The following AIMP1 variants were observed in gnomAD, a reference collection of about 807,000 sequenced individuals.
AIMP1 encodes the protein aminoacyl tRNA synthase complex-interacting multifunctional protein 1.
A neutral mutation model predicts 33.1 loss-of-function variants in AIMP1; 24 were observed. The observed-to-expected ratio is 0.73, with a 90% CI of 0.53 to 1.02. The LOEUF (loss-of-function observed/expected upper bound fraction) is 1.02. AIMP1 is among the 50% of genes least tolerant of loss of function. The pLI is 0.00. For synonymous variants in AIMP1, 120 were observed against 121.5 expected, an observed-to-expected ratio of 0.99 and a Z score of 0.08; for missense variants, 367 against 364.8, an observed-to-expected ratio of 1.01 and a Z score of -0.05.
chr4:106,330,275 T>C (rs1015196178), intron 4 of AIMP1, among the ~76,000 whole-genome samples: 3 of 152,196 alleles, frequency 2.0e-5, no homozygotes, highest in African/African-American at 7.2e-5. Context: ...CAAATGTAGA[T>C]ATATTGTTAT....
intron 2 of AIMP1, among the ~76,000 whole-genome samples, chr4:106,327,004 T>C (rs1050355256): frequency 1.3e-5 from 2 of 152,180 alleles, no homozygotes; most frequent in African/African-American, 4.8e-5. Flanking sequence ...CTCAAACTCC[T>C]GGGCTCAAGT....
At chr4:106,318,534 T>C (rs965296389) in intron 1 of AIMP1, among the ~76,000 whole-genome samples, 2 of 152,296 alleles carry the variant, frequency 1.3e-5, no homozygotes, top group African/African-American at 4.8e-5. Context: ...TGATTAAAAT[T>C]ACTATATTCC....
In AIMP1 at chr4:106,349,092, T is replaced by G. The variant is rs754160092; in HGVS notation, c.*1400T>G. On this transcript the variant is annotated 3_prime_UTR_variant, in exon 7 of 7. Coordinates refer to ENST00000672341, the MANE Select transcript of AIMP1 (RefSeq NM_001142416.2). ...GCCAGGATATATTATAGTACCATTA[T>G]CAATGTGATATTCTGAAAATATGAA... The G allele has an allele frequency of 6.6e-6, 1 of 152,096 alleles. No individual in the cohort carries two copies. The highest frequency in any genetic ancestry group is 2.4e-5 in the African/African-American group (1 of 41,436). 9.4% of individuals were successfully genotyped at this position (152,096 alleles called of 1,614,324 possible).
At chr4:106,317,894 A>G (rs1769030885) in intron 1 of AIMP1, among the ~76,000 whole-genome samples, 1 of 152,202 alleles carries the variant, frequency 6.6e-6, no homozygotes, top group Non-Finnish European at 1.5e-5. Context: ...AATCTTAACC[A>G]GGTAAAAGAT....
At chr4:106,346,383 G>C (rs1770303234) in intron 6 of AIMP1, among the ~76,000 whole-genome samples, 1 of 152,166 alleles carries the variant, frequency 6.6e-6, no homozygotes, top group Non-Finnish European at 1.5e-5. Flanking sequence ...TCAGGGGGCA[G>C]AGTGCTGTAC....
At chr4:106,322,482 A>G (rs986695734) in intron 1 of AIMP1, among the ~76,000 whole-genome samples, 1 of 152,178 alleles carries the variant, frequency 6.6e-6, no homozygotes, top group Non-Finnish European at 1.5e-5. Flanking sequence ...AAAAATTTAA[A>G]TGATAATTAA....
intron 4 of AIMP1, among the ~76,000 whole-genome samples, chr4:106,330,864 T>C (rs1214408540): frequency 6.6e-6 from 1 of 152,198 alleles, no homozygotes; most frequent in African/African-American, 2.4e-5. Flanking sequence ...GAAAAGCTAA[T>C]TGTAAACTTA....
intron 5 of AIMP1, among the ~76,000 whole-genome samples, chr4:106,335,970 T>C (rs1292410609): frequency 6.6e-6 from 1 of 151,240 alleles, no homozygotes; most frequent in Non-Finnish European, 1.5e-5. Context: ...CATAAAAAAT[T>C]TGTAGAACTA....
intron 6 of AIMP1, among the ~76,000 whole-genome samples, chr4:106,345,875 C>T (rs1462698739): frequency 6.8e-6 from 1 of 146,978 alleles, no homozygotes; most frequent in Non-Finnish European, 1.5e-5. Context: ...TTTTATATTC[C>T]TAATATAAAA....
chr4:106,330,671 T>A (rs1019041508), intron 4 of AIMP1, among the ~76,000 whole-genome samples: 34 of 152,208 alleles, frequency 2.2e-4, no homozygotes, highest in Non-Finnish European at 4.3e-4. Flanking sequence ...AAAAGAGATT[T>A]TGAGTGCCTT....
At chr4:106,338,638 G>A (rs1373038767) in intron 6 of AIMP1, among the ~76,000 whole-genome samples, 1 of 152,204 alleles carries the variant, frequency 6.6e-6, no homozygotes, top group African/African-American at 2.4e-5. Context: ...GGGCCGTCAT[G>A]AACCTCTACT....
chr4:106,336,217 G>C (rs994289885), intron 5 of AIMP1, among the ~76,000 whole-genome samples: 3 of 148,506 alleles, frequency 2.0e-5, no homozygotes, highest in African/African-American at 7.4e-5. Flanking sequence ...ATTTTTTGTA[G>C]AGACTGGGTT....
Position 106,347,734 on chromosome 4 carries a change from G to C in AIMP1, c.*42G>C. ...AAAGACATTAGAGAAAACCTTAAAAGTAATAAAGAGAAATATATTTGTCAC... is the reference window on the plus strand; with the variant it reads ...AAAGACATTAGAGAAAACCTTAAAACTAATAAAGAGAAATATATTTGTCAC... On this transcript the variant is annotated 3_prime_UTR_variant, in exon 7 of 7. Transcript: ENST00000672341. The C allele has an allele frequency of 3.8e-6, 6 of 1,581,478 alleles. No individual in the cohort carries two copies. The highest frequency in any genetic ancestry group is 5.2e-6 in the Non-Finnish European group (6 of 1,162,488).
chr4:106,345,584 A>AT (rs1268034248), intron 6 of AIMP1, among the ~76,000 whole-genome samples: 1 of 151,962 alleles, frequency 6.6e-6, no homozygotes, highest in Non-Finnish European at 1.5e-5. Context: ...AGAAATTCTT[A>AT]TTTTTTATAC....
At chr4:106,342,257 T>TTTCCTATTTGGA (rs1770126302) in intron 6 of AIMP1, among the ~76,000 whole-genome samples, 1 of 152,182 alleles carries the variant, frequency 6.6e-6, no homozygotes, top group South Asian at 2.1e-4. Context: ...GACTTCTTCT[T>TTTCCTATTTGGA]TTCCTATTTG....
chr4:106,338,584 A>G (rs1167040713), intron 6 of AIMP1, among the ~76,000 whole-genome samples: 3 of 152,188 alleles, frequency 2.0e-5, no homozygotes, highest in African/African-American at 4.8e-5. Flanking sequence ...CAGAAGATGT[A>G]TGGAAGCCCC....
At chr4:106,336,268 C>T (rs1451202361) in intron 5 of AIMP1, among the ~76,000 whole-genome samples, 1 of 149,438 alleles carries the variant, frequency 6.7e-6, no homozygotes, top group Non-Finnish European at 1.5e-5. Flanking sequence ...AAAAAAAACA[C>T]TGGGCTCAAG....
At chr4:106,337,718 C>T (rs1369742477) in intron 6 of AIMP1, among the ~76,000 whole-genome samples, 1 of 152,148 alleles carries the variant, frequency 6.6e-6, no homozygotes, top group Non-Finnish European at 1.5e-5. Context: ...GAGATTGGAA[C>T]AGTTTGGAGG....
chr4:106,326,640 T>C (rs1224641196), intron 2 of AIMP1, among the ~76,000 whole-genome samples: 1 of 152,202 alleles, frequency 6.6e-6, no homozygotes, highest in Non-Finnish European at 1.5e-5. Flanking sequence ...TTTTAAAAGG[T>C]AATGACTAAA....
Sources: allele counts gnomAD v4.1 joint callset (sites outside exome capture counted in the v4.1 genomes callset), GRCh38; gene constraint gnomAD v4.1.1; transcripts MANE v1.5; gene names NCBI Gene and HGNC (gene_info 2026-07-23, HGNC 2026-07-21).